The following UBE2E3 variants were observed in gnomAD, a reference collection of about 807,000 sequenced individuals.
UBE2E3 encodes ubiquitin-conjugating enzyme E2 E3.
UBE2E3 carries 5 observed loss-of-function variants against 23.6 expected under a neutral mutation model. That is an observed-to-expected ratio of 0.21 (90% CI 0.11 to 0.44). UBE2E3 has a LOEUF of 0.44. Among genes scored for constraint, UBE2E3 ranks in the 20% least tolerant of loss-of-function variants. The pLI is 0.99. For missense variants in UBE2E3, 81 were observed against 249.8 expected (o/e 0.32, Z 4.55); for synonymous variants, 78 against 87.5 (o/e 0.89, Z 0.60).
intron 3 of UBE2E3, among the ~76,000 whole-genome samples, chr2:181,031,747 A>G (rs1036300850): frequency 1.4e-4 from 21 of 152,086 alleles, no homozygotes; most frequent in African/African-American, 4.6e-4. Context: ...GAGGCTATAC[A>G]CTATTTCTGT....
At chr2:181,021,606 T>C (rs13410471) in intron 3 of UBE2E3, among the ~76,000 whole-genome samples, 155 of 77,986 alleles carry the variant, frequency 2.0e-3, no homozygotes, top group East Asian at 7.0e-3. Context: ...CTCCCTTCCT[T>C]CCTTCCTCCC....
rs577714579 is a variant in UBE2E3, at chr2:181,057,555, G to A, written c.246-138G>A. 4 of 653,172 alleles carry A rather than the reference G, an allele frequency of 6.1e-6. No homozygotes were observed. In the African/African-American group the frequency reaches 7.2e-5, roughly 12 times the overall value. The allele number at this position is 653,172 out of a possible 1,614,324, so 40.5% of individuals were successfully genotyped here. On this transcript the variant is annotated intron_variant, in intron 3 of 5. Transcript: ENST00000410062. ...ACACACATGCACATGCAAACACATT[G>A]GGGCTTATTTCTTTTATACTTATTT...
At chr2:181,043,232 A>AT (rs1686567983) in intron 3 of UBE2E3, among the ~76,000 whole-genome samples, 2 of 152,076 alleles carry the variant, frequency 1.3e-5, no homozygotes, top group African/African-American at 2.4e-5. Context: ...GGTATGTTCT[A>AT]TTTTTTTACT....
intron 1 of UBE2E3, chr2:180,981,267 G>A (rs1240288101): frequency 1.3e-5 from 2 of 151,874 alleles, no homozygotes; most frequent in African/African-American, 4.8e-5. Flanking sequence ...TTGGGGCTTT[G>A]TTTATTTGTT....
chr2:181,043,998 G>A (rs1478841365), intron 3 of UBE2E3, among the ~76,000 whole-genome samples: 4 of 152,086 alleles, frequency 2.6e-5, no homozygotes, highest in Non-Finnish European at 5.9e-5. Context: ...TTTTATTCAC[G>A]TCTCTGTTTT....
At chr2:181,046,310 G>A (rs1176437789) in intron 3 of UBE2E3, among the ~76,000 whole-genome samples, 1 of 152,148 alleles carries the variant, frequency 6.6e-6, no homozygotes, top group African/African-American at 2.4e-5. Context: ...GAACAAAAAT[G>A]TAGCACAAAA....
intron 3 of UBE2E3, among the ~76,000 whole-genome samples, chr2:181,013,150 A>G (rs1685385439): frequency 6.6e-6 from 1 of 152,082 alleles, no homozygotes; most frequent in Non-Finnish European, 1.5e-5. Flanking sequence ...TAAATTGCAA[A>G]TATGTTAATT....
chr2:181,019,545 T>C (rs2105622016), intron 3 of UBE2E3, among the ~76,000 whole-genome samples: 1 of 152,362 alleles, frequency 6.6e-6, no homozygotes, highest in Non-Finnish European at 1.5e-5. Flanking sequence ...TAATAGAAAC[T>C]AGAAAACTCA....
intron 3 of UBE2E3, among the ~76,000 whole-genome samples, chr2:181,027,946 C>T (rs917801953): frequency 6.6e-6 from 1 of 151,958 alleles, no homozygotes; most frequent in African/African-American, 2.4e-5. Flanking sequence ...CTGATGATTT[C>T]TCACCCAGCT....
intron 2 of UBE2E3, among the ~76,000 whole-genome samples, chr2:180,982,652 GA>G (rs1292129380): frequency 6.6e-6 from 1 of 152,166 alleles, no homozygotes; most frequent in Non-Finnish European, 1.5e-5. Flanking sequence ...GATCAGAAAT[GA>G]TCATATTTGC....
At chr2:181,003,693 A>G (rs972366992) in intron 3 of UBE2E3, among the ~76,000 whole-genome samples, 2 of 152,168 alleles carry the variant, frequency 1.3e-5, no homozygotes, top group African/African-American at 4.8e-5. Context: ...ACCAGACTGT[A>G]TTTTCTAAGA....
intron 3 of UBE2E3, among the ~76,000 whole-genome samples, chr2:181,012,248 G>A (rs1192454822): frequency 4.6e-5 from 7 of 152,090 alleles, no homozygotes; most frequent in Admixed American, 4.6e-4. Context: ...GTATAACAAA[G>A]TATACATGTA....
intron 3 of UBE2E3, chr2:180,989,930 TGAA>T (rs1684605831): frequency 6.5e-7 from 1 of 1,549,460 alleles, no homozygotes; most frequent in Admixed American, 2.0e-5. Context: ...AGATTGAGAA[TGAA>T]GAACTTGTCC....
At chr2:181,031,792 T>G (rs570165728) in intron 3 of UBE2E3, among the ~76,000 whole-genome samples, 1 of 152,290 alleles carries the variant, frequency 6.6e-6, no homozygotes, top group East Asian at 1.9e-4. Context: ...CTGTGCTTAC[T>G]TAAAAAGAAG....
Position 181,032,250 on chromosome 2 carries a change from A to C in UBE2E3, c.246-25443A>C, listed in dbSNP as rs1039144572. 6.6e-5 allele frequency among the ~76,000 whole-genome samples: 10 copies of C among 152,216 alleles called. No homozygotes were observed. In the South Asian group the frequency reaches 8.3e-4, roughly 13 times the overall value. ...CATTATTTCAAAGGAAAAGTAAAAT[A>C]GAATATGGTCTTACTCACCTGGTAG... On this transcript the variant is annotated intron_variant, in intron 3 of 5. Coordinates refer to ENST00000410062, the MANE Select transcript of UBE2E3 (RefSeq NM_006357.4).
intron 3 of UBE2E3, among the ~76,000 whole-genome samples, chr2:181,041,232 C>CAAAAAAAAAAAA (rs1686488045): frequency 3.1e-5 from 1 of 31,888 alleles, no homozygotes; most frequent in Non-Finnish European, 5.8e-5. Context: ...AAGACTCCGT[C>CAAAAAAAAAAAA]TCAAAAAAAA....
chr2:181,050,611 G>C (rs1190036041), intron 3 of UBE2E3, among the ~76,000 whole-genome samples: 2 of 151,850 alleles, frequency 1.3e-5, no homozygotes, highest in Non-Finnish European at 2.9e-5. Flanking sequence ...GGCAGGAGCT[G>C]GGTAATTAAA....
At position 181,023,234 on chromosome 2, in the gene UBE2E3, C is replaced by A. The variant is rs189612319; in HGVS notation, c.246-34459C>A. 3.3e-5 allele frequency among the ~76,000 whole-genome samples: 5 copies of A among 152,176 alleles called. No individual in the cohort carries two copies. In the East Asian group the frequency reaches 9.6e-4, roughly 29 times the overall value. Reference sequence around the variant, plus strand: ...TAGGTGAATTCACAGACACAAAATCCCCAAATAATGAGAATTGACTGTATG... The same window carrying A: ...TAGGTGAATTCACAGACACAAAATCACCAAATAATGAGAATTGACTGTATG... On this transcript the variant is annotated intron_variant, in intron 3 of 5. Coordinates refer to ENST00000410062, the MANE Select transcript of UBE2E3 (RefSeq NM_006357.4).
At chr2:181,017,413 A>G (rs1685528990) in intron 3 of UBE2E3, among the ~76,000 whole-genome samples, 1 of 152,012 alleles carries the variant, frequency 6.6e-6, no homozygotes, top group African/African-American at 2.4e-5. Flanking sequence ...TAGGGGCATG[A>G]GGGGGGTGGA....
Sources: allele counts gnomAD v4.1 joint callset (sites outside exome capture counted in the v4.1 genomes callset), GRCh38; gene constraint gnomAD v4.1.1; transcripts MANE v1.5; gene names NCBI Gene and HGNC (gene_info 2026-07-23, HGNC 2026-07-21).